Variants in GPALPP1 observed in about 807,000 individuals in gnomAD.
GPALPP1 encodes the protein GPALPP motifs containing 1.
GPALPP1 carries 30 observed loss-of-function variants against 38.9 expected under a neutral mutation model. The observed-to-expected ratio is 0.77, with a 90% CI of 0.58 to 1.05. The LOEUF (loss-of-function observed/expected upper bound fraction) is 1.05. Ranked by LOEUF, GPALPP1 falls within the 50% of genes least tolerant of loss-of-function variation. The probability of loss-of-function intolerance (pLI) is 0.00; values close to 1 mark genes in which losing one functional copy is unlikely to be tolerated. For missense variants in GPALPP1, 384 were observed against 408.8 expected (o/e 0.94, Z 0.52); for synonymous variants, 120 against 139.2 (o/e 0.86, Z 0.97).
At position 45,028,044 on chromosome 13, in the gene GPALPP1, T is replaced by C; in HGVS notation, c.*41T>C. On this transcript the variant is annotated 3_prime_UTR_variant, in exon 8 of 8. Coordinates refer to ENST00000379151, the MANE Select transcript of GPALPP1 (RefSeq NM_018559.5). ...TGAGGTATATTTTAATACTGATCAA[T>C]GTGAACTTTTCTAAATACTCTATTG... is the stretch of plus-strand genomic sequence containing the variant. The C allele has an allele frequency of 1.0e-6, 1 of 992,676 alleles. No homozygotes were observed. The highest frequency in any genetic ancestry group is 1.6e-6 in the Non-Finnish European group (1 of 634,650). 61.5% of individuals were successfully genotyped at this position (992,676 alleles called of 1,614,324 possible).
At chr13:45,019,440 G>A (rs1272600759) in intron 6 of GPALPP1, among the ~76,000 whole-genome samples, 4 of 151,874 alleles carry the variant, frequency 2.6e-5, no homozygotes, top group Non-Finnish European at 2.9e-5. Context: ...GAGCTACCAC[G>A]CCCGGCCTCT....
chr13:45,033,345 C>T (rs1043686989), downstream of GPALPP1: 1 of 152,146 alleles, frequency 6.6e-6, no homozygotes, highest in African/African-American at 2.4e-5. Context: ...ACAGCCAAGT[C>T]TTCTATTTCA....
chr13:45,028,021 AG>A lies in GPALPP1; in HGVS notation c.*20del. ...TTTTATAAGTAAGTATATTTCAGTG[AG>A]GTATATTTTAATACTGATCAATGTG... On this transcript the variant is annotated 3_prime_UTR_variant, in exon 8 of 8. Transcript: ENST00000379151. The A allele has an allele frequency of 2.3e-6, 3 of 1,325,994 alleles. No individual in the cohort carries two copies. The highest frequency in any genetic ancestry group is 1.1e-6 in the Non-Finnish European group (1 of 921,594). 82.1% of individuals were successfully genotyped at this position (1,325,994 alleles called of 1,614,324 possible).
downstream of GPALPP1, chr13:45,034,517 G>C (rs1192106150): frequency 6.6e-6 from 1 of 151,972 alleles, no homozygotes; most frequent in Non-Finnish European, 1.5e-5. Flanking sequence ...AAAAGTGACT[G>C]ATCACATATG....
At chr13:45,014,879 C>T in intron 4 of GPALPP1, 73 bp from the exon 5 acceptor site, 1 of 1,126,862 alleles carries the variant, frequency 8.9e-7, no homozygotes, top group Non-Finnish European at 1.2e-6. Context: ...CAGTTAAATG[C>T]AGGTAATTTA....
chr13:45,026,011 C>G (rs1875808395), intron 7 of GPALPP1, among the ~76,000 whole-genome samples: 1 of 152,160 alleles, frequency 6.6e-6, no homozygotes, highest in Non-Finnish European at 1.5e-5. Flanking sequence ...CTCAGGTGAT[C>G]CACCCACCTC....
At chr13:45,026,706 C>A (rs1197132222) in intron 7 of GPALPP1, among the ~76,000 whole-genome samples, 1 of 152,128 alleles carries the variant, frequency 6.6e-6, no homozygotes, top group Non-Finnish European at 1.5e-5. Context: ...GAATTCAGAA[C>A]ATTTCAATAA....
rs746447968 is a variant in GPALPP1, at chr13:45,020,301, G to C, written c.706-29G>C. 6 of 812,408 alleles carry C rather than the reference G, an allele frequency of 7.4e-6. No homozygotes were observed. In the South Asian group the frequency reaches 8.8e-5, roughly 12 times the overall value. The allele number at this position is 812,408 out of a possible 1,614,324, so 50.3% of individuals were successfully genotyped here. A position where few individuals can be genotyped will look rare whatever the true frequency, so the allele number is the denominator to read the frequency against. On this transcript the variant is annotated intron_variant, in intron 6 of 7. Transcript: ENST00000379151. ...TGTTTTATCTTAATCTTATGATTCA[G>C]TAATGTGTTATCTGTGTTCATTCCT...
chr13:44,998,238 T>A (rs973459983), intron 1 of GPALPP1, among the ~76,000 whole-genome samples: 7 of 152,182 alleles, frequency 4.6e-5, no homozygotes, highest in Non-Finnish European at 1.0e-4. Flanking sequence ...TCCTTCCATT[T>A]TTACTCTGAC....
intron 4 of GPALPP1, chr13:45,009,096 A>G (rs111392749): frequency 1.6e-6 from 1 of 635,950 alleles, no homozygotes. Flanking sequence ...TAGGAAAATA[A>G]CAGGATTGAC....
chr13:45,008,912 G>T, intron 4 of GPALPP1, 33 bp downstream of exon 4: 3 of 1,257,182 alleles, frequency 2.4e-6, no homozygotes, highest in Non-Finnish European at 3.5e-6. Context: ...CTAAGGTTTG[G>T]AAAGTTTTCA....
chr13:45,022,242 A>G (rs74071425), intron 7 of GPALPP1, among the ~76,000 whole-genome samples: 174 of 152,288 alleles, frequency 1.1e-3, no homozygotes, highest in African/African-American at 4.0e-3. Flanking sequence ...ACAATAAGCA[A>G]AATGCATCTA....
In GPALPP1 at chr13:45,037,188, C is replaced by CTA. The variant is rs1158082334; in HGVS notation, c.*3957_*3958dup. 5 of 152,156 alleles carry CTA rather than the reference C, an allele frequency of 3.3e-5. No homozygotes were observed. The South Asian group carries it at 8.3e-4, about 25-fold the overall frequency. 9.4% of individuals were successfully genotyped at this position (152,156 alleles called of 1,614,324 possible). On this transcript the variant is annotated 3_prime_UTR_variant, in exon 8 of 8. Transcript: ENST00000357537. ...GATGGGGTAATGTTGGCCAAACAGG[C>CTA]TATATGATAAAGTATTTAGTCCTAG...
intron 7 of GPALPP1, among the ~76,000 whole-genome samples, chr13:45,021,087 A>G (rs536742563): frequency 3.2e-4 from 48 of 152,322 alleles, no homozygotes; most frequent in African/African-American, 1.1e-3. Flanking sequence ...TTCATTTGGC[A>G]TATTATTTTG....
downstream of GPALPP1, chr13:45,031,995 C>T (rs921066151): frequency 5.3e-5 from 8 of 152,230 alleles, no homozygotes; most frequent in Non-Finnish European, 7.4e-5. Context: ...ATGTTCTTAC[C>T]ATTGAATATG....
intron 1 of GPALPP1, among the ~76,000 whole-genome samples, chr13:44,992,682 G>A (rs1244914543): frequency 1.3e-5 from 2 of 152,134 alleles, no homozygotes; most frequent in Non-Finnish European, 2.9e-5. Context: ...CCCTGTAAGG[G>A]TATCCTGGCA....
intron 1 of GPALPP1, among the ~76,000 whole-genome samples, chr13:44,997,508 T>G (rs764141265): frequency 2.0e-5 from 3 of 152,114 alleles, no homozygotes; most frequent in Non-Finnish European, 4.4e-5. Flanking sequence ...TCACCTCCAC[T>G]AATTTCACCT....
chr13:45,022,282 G>A (rs1290886806), intron 7 of GPALPP1, among the ~76,000 whole-genome samples: 1 of 152,020 alleles, frequency 6.6e-6, no homozygotes, highest in Non-Finnish European at 1.5e-5. Context: ...GCTGATAGTC[G>A]GAATAGGGGT....
intron 1 of GPALPP1, among the ~76,000 whole-genome samples, chr13:45,003,085 G>A (rs942640169): frequency 6.6e-6 from 1 of 152,132 alleles, no homozygotes; most frequent in Non-Finnish European, 1.5e-5. Context: ...TGACTATTGA[G>A]TATTGGCTAG....
Sources: allele counts gnomAD v4.1 joint callset (sites outside exome capture counted in the v4.1 genomes callset), GRCh38; gene constraint gnomAD v4.1.1; transcripts MANE v1.5; gene names NCBI Gene and HGNC (gene_info 2026-07-23, HGNC 2026-07-21).